ITK: variants seen among roughly 807,000 people sequenced by gnomAD.
The protein encoded by ITK is IL2 inducible T cell kinase, also known as tyrosine-protein kinase ITK/TSK.
ITK carries 45 observed loss-of-function variants against 87.6 expected under a neutral mutation model. The observed-to-expected ratio is 0.51, with a 90% confidence interval of 0.40 to 0.66. ITK has a LOEUF of 0.66. Among genes scored for constraint, ITK ranks in the 30% least tolerant of loss-of-function variants. The pLI is 0.00. For missense variants in ITK, 605 were observed against 766.3 expected (o/e 0.79, Z 2.48); for synonymous variants, 303 against 273.6 (o/e 1.11, Z -1.06).
chr5:157,244,579 C>A, intron 13 of ITK, 101 bp downstream of exon 13: 1 of 772,056 alleles, frequency 1.3e-6, no homozygotes, highest in East Asian at 2.7e-5. Context: ...TACAGATAAT[C>A]TCCTTTCCTT....
chr5:157,209,024 C>G (rs202114002), intron 2 of ITK, 31 bp downstream of exon 2: 1 of 1,395,072 alleles, frequency 7.2e-7, no homozygotes, highest in African/African-American at 1.4e-5. Flanking sequence ...GTTCCCCATT[C>G]CCTGGACTGT....
intron 5 of ITK, among the ~76,000 whole-genome samples, chr5:157,221,486 G>A (rs536919391): frequency 2.6e-5 from 4 of 152,010 alleles, no homozygotes; most frequent in Admixed American, 2.6e-4. Context: ...CGAAAGTTGT[G>A]GGGAATGTGG....
intron 1 of ITK, among the ~76,000 whole-genome samples, chr5:157,206,985 G>A (rs886632855): frequency 6.6e-6 from 1 of 151,566 alleles, no homozygotes; most frequent in African/African-American, 2.4e-5. Flanking sequence ...AATGTACATT[G>A]GTAAATTTTA....
In ITK at chr5:157,254,622, C is replaced by T. The variant is rs1012975318; in HGVS notation, c.*1944C>T. The T allele has an allele frequency of 4.6e-6, 1 of 217,960 alleles. No individual in the cohort carries two copies. Among genetic ancestry groups the T allele is most frequent in the Non-Finnish European group, 9.2e-6 (1 of 108,580 alleles). 13.5% of individuals were successfully genotyped at this position (217,960 alleles called of 1,614,324 possible). A position where few individuals can be genotyped will look rare whatever the true frequency, so the allele number is the denominator to read the frequency against. On this transcript the variant is annotated 3_prime_UTR_variant, in exon 17 of 17. Transcript: ENST00000422843. ...AAGTGGAGAGCCTCAAGATAAAACT[C>T]TGTCATTCAGAAGATGATTTTACTC...
intron 6 of ITK, among the ~76,000 whole-genome samples, chr5:157,225,510 T>A (rs1335860638): frequency 6.6e-6 from 1 of 152,088 alleles, no homozygotes; most frequent in African/African-American, 2.4e-5. Flanking sequence ...GGATAAGACT[T>A]TACCTTTTAC....
chr5:157,247,933 A>C (rs944408535), intron 15 of ITK, among the ~76,000 whole-genome samples: 5 of 152,208 alleles, frequency 3.3e-5, no homozygotes, highest in Non-Finnish European at 7.3e-5. Flanking sequence ...TTTTCAAAAA[A>C]ATTTTCACTA....
intron 8 of ITK, among the ~76,000 whole-genome samples, chr5:157,233,746 GT>G (rs1269233542): frequency 6.6e-6 from 1 of 151,588 alleles, no homozygotes; most frequent in African/African-American, 2.4e-5. Context: ...ATTACACTGT[GT>G]TTAAACAAGT....
intron 1 of ITK, among the ~76,000 whole-genome samples, chr5:157,197,604 CA>C (rs1444828877): frequency 1.4e-5 from 2 of 142,786 alleles, no homozygotes; most frequent in Non-Finnish European, 3.1e-5. Flanking sequence ...TATACTAATA[CA>C]TAATCTCTTC....
rs540853883 is a variant in ITK at position 157,238,192 on chromosome 5, G to T, written c.851+1G>T. 6.2e-7 allele frequency: 1 copy of T among 1,610,330 alleles called. No homozygotes were observed. Among genetic ancestry groups the T allele is most frequent in the South Asian group, 1.1e-5 (1 of 91,010 alleles). On this transcript the variant is annotated splice_donor_variant, in intron 9 of 16. Transcript: ENST00000422843. LOFTEE classifies it high-confidence loss of function. ...CTGTTTTCACCAAGGCTGTTGTAAG[G>T]TATGGAGCTAACTCTGCTCAGCAAA...
intron 16 of ITK, among the ~76,000 whole-genome samples, chr5:157,252,264 G>A (rs950996655): frequency 3.3e-5 from 5 of 151,902 alleles, no homozygotes; most frequent in African/African-American, 9.7e-5. Flanking sequence ...TTAATTTCTT[G>A]ATATATTTTT....
intron 6 of ITK, among the ~76,000 whole-genome samples, chr5:157,227,083 G>A (rs1231629811): frequency 1.3e-5 from 2 of 152,102 alleles, no homozygotes; most frequent in South Asian, 2.1e-4. Flanking sequence ...GCCTCCCAAA[G>A]TACTAGGATT....
At chr5:157,209,483 T>TA (rs1754146152) in intron 2 of ITK, among the ~76,000 whole-genome samples, 1 of 152,202 alleles carries the variant, frequency 6.6e-6, no homozygotes, top group African/African-American at 2.4e-5. Flanking sequence ...TTCTTTCACT[T>TA]ATTGAACAAA....
At chr5:157,237,660 C>G (rs1170172302) in intron 8 of ITK, among the ~76,000 whole-genome samples, 3 of 152,186 alleles carry the variant, frequency 2.0e-5, no homozygotes, top group Non-Finnish European at 1.5e-5. Flanking sequence ...AGTAGTAGAC[C>G]AAGGCTGGGC....
chr5:157,245,657 G>T, intron 13 of ITK, 69 bp from the exon 14 acceptor site: 1 of 1,202,688 alleles, frequency 8.3e-7, no homozygotes, highest in African/African-American at 1.5e-5. Flanking sequence ...GATTATAGGA[G>T]ACTCCTTAAC....
rs1754130206 is a variant in ITK at position 157,208,870 on chromosome 5, T to C, written c.139-19T>C. 6.6e-7 allele frequency: 1 copy of C among 1,519,602 alleles called. No individual in the cohort carries two copies. Among genetic ancestry groups the C allele is most frequent in the South Asian group, 1.1e-5 (1 of 89,058 alleles). 94.1% of individuals were successfully genotyped at this position (1,519,602 alleles called of 1,614,324 possible). On this transcript the variant is annotated intron_variant, in intron 1 of 16. Coordinates refer to ENST00000422843, the MANE Select transcript of ITK (RefSeq NM_005546.4). ...TGTCTTCTTTCTTACATGAATGGGA[T>C]GTTCTTCTCTCCCCACAGAAGAAGC...
intron 1 of ITK, among the ~76,000 whole-genome samples, chr5:157,197,724 A>G (rs927709029): frequency 2.6e-5 from 4 of 152,236 alleles, no homozygotes; most frequent in Non-Finnish European, 5.9e-5. Flanking sequence ...GTTAATGGTT[A>G]CAGAGTAGTC....
At chr5:157,206,411 G>T (rs1039175231) in intron 1 of ITK, among the ~76,000 whole-genome samples, 4 of 152,156 alleles carry the variant, frequency 2.6e-5, no homozygotes, top group Non-Finnish European at 4.4e-5. Context: ...AGAATAAGTT[G>T]TGGGGGAGAC....
At chr5:157,240,484 G>T (rs1020656557) in intron 10 of ITK, 6 of 478,318 alleles carry the variant, frequency 1.3e-5, no homozygotes, top group East Asian at 4.0e-5. Flanking sequence ...GTGCCAAAAA[G>T]GTTGGGGACT....
chr5:157,230,181 A>G (rs1456022308), intron 7 of ITK, among the ~76,000 whole-genome samples: 1 of 152,214 alleles, frequency 6.6e-6, no homozygotes, highest in Non-Finnish European at 1.5e-5. Context: ...ATAAAAGTCA[A>G]TTCTCAAATA....
Sources: allele counts gnomAD v4.1 joint callset (sites outside exome capture counted in the v4.1 genomes callset), GRCh38; gene constraint gnomAD v4.1.1; transcripts MANE v1.5; gene names NCBI Gene and HGNC (gene_info 2026-07-23, HGNC 2026-07-21).